Variants in KMT2E observed in about 807,000 individuals in gnomAD.
KMT2E encodes lysine methyltransferase 2E (inactive).
In KMT2E, 30 loss-of-function variants were observed where a neutral mutation model predicts 184.6. The observed-to-expected ratio is 0.16, with a 90% CI of 0.12 to 0.22. KMT2E has a LOEUF of 0.22. KMT2E is among the 10% of genes least tolerant of loss of function. The pLI is 1.00. For synonymous variants in KMT2E, 815 were observed against 776.5 expected (o/e 1.05, Z -0.82); for missense variants, 2,023 against 2,237.4 (o/e 0.90, Z 1.93).
chr7:105,103,096 C>T (rs1214197539), intron 17 of KMT2E: 1 of 152,094 alleles, frequency 6.6e-6, no homozygotes, highest in East Asian at 1.9e-4. Context: ...CAATATTTGC[C>T]TGTAACAATG....
At chr7:105,087,819 CTTGCT>C (rs1215298435) in intron 13 of KMT2E, among the ~76,000 whole-genome samples, 4 of 116,208 alleles carry the variant, frequency 3.4e-5, no homozygotes, top group Admixed American at 8.1e-5. Context: ...TAGCTGTTTT[CTTGCT>C]TTTTTTTTTT....
intron 15 of KMT2E, among the ~76,000 whole-genome samples, chr7:105,096,983 T>G (rs1294959123): frequency 1.3e-5 from 2 of 152,234 alleles, no homozygotes; most frequent in African/African-American, 4.8e-5. Flanking sequence ...GTTTAAAAAC[T>G]TGACACAATT....
At chr7:105,035,223 G>A (rs553505931) in intron 1 of KMT2E, among the ~76,000 whole-genome samples, 10 of 150,732 alleles carry the variant, frequency 6.6e-5, no homozygotes, top group East Asian at 3.9e-4. Flanking sequence ...TAGTAGAGAC[G>A]GGGTTTCACC....
rs1799351068 is a variant in KMT2E, at chr7:105,112,522, C to T, written c.4766C>T (p.Ala1589Val). 2 of 1,614,104 alleles carry T rather than the reference C, an allele frequency of 1.2e-6. No homozygotes were observed. Among genetic ancestry groups the T allele is most frequent in the Middle Eastern group, 3.3e-4 (2 of 6,062 alleles). ...QTVFTSGPNQ[A>V]LPGTTSQQTV... Reference sequence around the variant, plus strand: ...GTGTTTACATCAGGACCAAATCAAGCACTTCCTGGCACCACAAGCCAGCAA... The same window carrying T: ...GTGTTTACATCAGGACCAAATCAAGTACTTCCTGGCACCACAAGCCAGCAA... Residue 1589 changes from alanine (A) to valine (V), a missense_variant, in exon 27 of 27, where the codon GCA (alanine) becomes GTA (valine). Physicochemically the swap from Ala to Val is moderately conservative, Grantham distance 64. Around this residue, in one of 8 missense-constraint regions of KMT2E, gnomAD observed 1,108 missense variants for 1,050.9 expected, o/e 1.05. Transcript: ENST00000311117.
chr7:105,086,123 T>C (rs1797954455), intron 13 of KMT2E, among the ~76,000 whole-genome samples: 1 of 152,220 alleles, frequency 6.6e-6, no homozygotes, highest in Admixed American at 6.5e-5. Context: ...TTAACCTGCA[T>C]TGTGTGTACC....
At chr7:105,027,594 T>TTG (rs1795224745) in intron 1 of KMT2E, among the ~76,000 whole-genome samples, 1 of 152,336 alleles carries the variant, frequency 6.6e-6, no homozygotes, top group South Asian at 2.1e-4. Flanking sequence ...TAATTCATTT[T>TTG]TGTGTGTAAA....
intron 1 of KMT2E, 148 bp from the exon 2 acceptor site, chr7:105,037,978 G>T (rs1795732230): frequency 6.6e-6 from 1 of 152,088 alleles, no homozygotes; most frequent in Admixed American, 6.5e-5. Context: ...ATTCATTTGT[G>T]TAAAAAGGGA....
intron 6 of KMT2E, among the ~76,000 whole-genome samples, chr7:105,073,209 A>G (rs1196621732): frequency 6.6e-6 from 1 of 151,976 alleles, no homozygotes. Context: ...GGAGTTCAAG[A>G]CCAGCCTGGG....
chr7:105,065,249 G>C (rs767421867), intron 5 of KMT2E, among the ~76,000 whole-genome samples: 2 of 152,114 alleles, frequency 1.3e-5, no homozygotes, highest in Non-Finnish European at 2.9e-5. Context: ...CCACAGCTCT[G>C]ATTATTTATT....
Position 105,111,843 on chromosome 7 carries a change from G to A in KMT2E, c.4087G>A (p.Val1363Ile), listed in dbSNP as rs757748115. The change falls in exon 27 of 27, where the codon GTA (valine) becomes ATA (isoleucine). Residue 1363 changes from valine to isoleucine, a missense_variant. By Grantham distance (29) the Val-to-Ile change is conservative. Transcript: ENST00000311117. Reference protein sequence around the residue: ...KMSKPGSPGSVIPAQAHGKIF... With the variant: ...KMSKPGSPGSIIPAQAHGKIF... Reference sequence around the variant, plus strand: ...TTCATAGCCTGGTTCACCTGGATCTGTAATTCCTGCTCAAGCACACGGGAA... The same window carrying A: ...TTCATAGCCTGGTTCACCTGGATCTATAATTCCTGCTCAAGCACACGGGAA... The A allele has an allele frequency of 6.8e-6, 11 of 1,612,888 alleles. No homozygotes were observed. The highest frequency in any genetic ancestry group is 9.3e-6 in the Non-Finnish European group (11 of 1,179,470).
chr7:105,077,754 T>C, intron 11 of KMT2E: 1 of 229,960 alleles, frequency 4.3e-6, no homozygotes, highest in Non-Finnish European at 8.6e-6. Flanking sequence ...TTCTGATTGA[T>C]TGAGATTACA....
At chr7:105,107,267 A>T in intron 21 of KMT2E, 45 bp downstream of exon 21, 1 of 1,501,758 alleles carries the variant, frequency 6.7e-7, no homozygotes. Flanking sequence ...TTTTTTTCCT[A>T]TTACATTGTT....
At chr7:105,056,512 G>A (rs1382977477) in intron 3 of KMT2E, among the ~76,000 whole-genome samples, 1 of 152,022 alleles carries the variant, frequency 6.6e-6, no homozygotes, top group Non-Finnish European at 1.5e-5. Flanking sequence ...ATATGCATGG[G>A]GTATTGTCTT....
At chr7:105,020,949 T>A (rs1253206915) in intron 1 of KMT2E, among the ~76,000 whole-genome samples, 1 of 152,240 alleles carries the variant, frequency 6.6e-6, no homozygotes, top group African/African-American at 2.4e-5. Context: ...ACTCTTCTAA[T>A]ATTTTTGTTT....
At chr7:105,079,054 A>G in intron 12 of KMT2E, 91 bp downstream of exon 12, 1 of 701,150 alleles carries the variant, frequency 1.4e-6, no homozygotes, top group Non-Finnish European at 2.6e-6. Context: ...CACTGACCTA[A>G]GACACTTTCC....
chr7:105,105,098 G>C (rs1044967299), intron 17 of KMT2E: 3 of 176,094 alleles, frequency 1.7e-5, no homozygotes, highest in African/African-American at 7.2e-5. Context: ...AGCCCAGGGG[G>C]CGGAGGCTTC....
Position 105,106,585 on chromosome 7 carries a change from C to T in KMT2E, c.2660C>T (p.Thr887Ile). 6.2e-7 allele frequency: 1 copy of T among 1,613,526 alleles called. No individual in the cohort carries two copies. Among genetic ancestry groups the T allele is most frequent in the Non-Finnish European group, 8.5e-7 (1 of 1,179,464 alleles). ...YQLLDSVYSE[T>I]STPTPSPYAT... The stretch of plus-strand genomic sequence containing the variant: ...TTGCTAGATTCGGTTTACTCAGAAA[C>T]CTCCACACCTACTCCTTCCCCGTAT... Residue 887 changes from threonine (T) to isoleucine (I), a missense_variant, in exon 20 of 27, where the codon ACC becomes ATC. Physicochemically the swap from Thr to Ile is moderately conservative, Grantham distance 89 (BLOSUM62 -1). This residue lies in a region of KMT2E where 514 missense variants were observed against 621.8 expected (regional missense o/e 0.83). Coordinates refer to ENST00000311117, the MANE Select transcript of KMT2E (RefSeq NM_182931.3).
intron 23 of KMT2E, among the ~76,000 whole-genome samples, chr7:105,109,459 C>T (rs1799083826): frequency 6.6e-6 from 1 of 152,184 alleles, no homozygotes; most frequent in African/African-American, 2.4e-5. Flanking sequence ...ATATCCTCTC[C>T]AAAGAATTTT....
Position 105,107,846 on chromosome 7 carries a change from T to A in KMT2E, c.3389T>A (p.Val1130Glu), listed in dbSNP as rs1798980852. The A allele has an allele frequency of 1.2e-6, 2 of 1,614,170 alleles. 1 individual carries two copies. Among genetic ancestry groups the A allele is most frequent in the South Asian group, 2.2e-5 (2 of 91,090 alleles). Residue 1130 changes from valine (V) to glutamate (E), a missense_variant, in exon 22 of 27, where the codon GTA (valine) becomes GAA (glutamate). Physicochemically the swap from Val to Glu is moderately radical, Grantham distance 121. Transcript: ENST00000311117. ...TTTTGTACTTCCGAAGATGGGCTTG[T>A]ATCTGGTTTCGGACGGACTGTTAAT... is the stretch of plus-strand genomic sequence containing the variant. ...TVFCTSEDGL[V>E]SGFGRTVNDN...
Sources: gnomAD v4.1 joint callset for allele counts (sites outside exome capture counted in the v4.1 genomes callset) on GRCh38, gnomAD v4.1.1 for gene constraint, gnomAD v4.1.1 regional missense constraint, MANE v1.5 for transcripts, NCBI Gene and HGNC (gene_info 2026-07-23, HGNC 2026-07-21) for gene names.